POFUT3: variants seen among roughly 807,000 people sequenced by gnomAD.
POFUT3 encodes protein O-fucosyltransferase 3, also known as GDP-fucose protein O-fucosyltransferase 3.
At chr8:33,382,526 C>A in the POFUT3 span, among the ~76,000 whole-genome samples, 1 of 152,074 alleles carries the variant, frequency 6.6e-6, no homozygotes, top group African/African-American at 2.4e-5. Flanking sequence ...TTCTAAGAAG[C>A]AGCGGGAAAG....
chr8:33,389,556 G>A, the POFUT3 span: 3 of 1,614,086 alleles, frequency 1.9e-6, no homozygotes, highest in Non-Finnish European at 2.5e-6. Flanking sequence ...CTTTTTCTAA[G>A]CTTGTTTTTG....
chr8:33,424,772 CCT>C, the POFUT3 span, among the ~76,000 whole-genome samples: 1 of 152,118 alleles, frequency 6.6e-6, no homozygotes, highest in Admixed American at 6.6e-5. Flanking sequence ...AAACTAGAGG[CCT>C]CTACTCTGGT....
the POFUT3 span, among the ~76,000 whole-genome samples, chr8:33,403,026 ACT>A: frequency 6.6e-6 from 1 of 151,954 alleles, no homozygotes; most frequent in African/African-American, 2.4e-5. Flanking sequence ...GCACCCCTGC[ACT>A]CCAGCCCGGG....
At chr8:33,360,315 G>A in the POFUT3 span, among the ~76,000 whole-genome samples, 594 of 151,646 alleles carry the variant, frequency 3.9e-3, 22 homozygotes, top group East Asian at 0.078. Context: ...GCGTGGTGGC[G>A]GGTGCCTGTA....
the POFUT3 span, among the ~76,000 whole-genome samples, chr8:33,365,417 A>T: frequency 6.6e-6 from 1 of 152,248 alleles, no homozygotes; most frequent in Admixed American, 6.5e-5. Context: ...ATGGAATCTA[A>T]TTAAACTAAA....
chr8:33,390,241 G>A, the POFUT3 span, among the ~76,000 whole-genome samples: 1 of 151,964 alleles, frequency 6.6e-6, no homozygotes, highest in Non-Finnish European at 1.5e-5. Flanking sequence ...GCATGTTACA[G>A]TGTCACTGCA....
the POFUT3 span, among the ~76,000 whole-genome samples, chr8:33,444,608 A>G: frequency 6.6e-6 from 1 of 152,090 alleles, no homozygotes; most frequent in African/African-American, 2.4e-5. Context: ...ACCTGAGGTC[A>G]GGAGTTTGAG....
the POFUT3 span, among the ~76,000 whole-genome samples, chr8:33,411,073 C>T: frequency 1.3e-5 from 2 of 152,122 alleles, no homozygotes; most frequent in Non-Finnish European, 2.9e-5. Context: ...AATAAATCCT[C>T]CCCCAGTAAC....
chr8:33,428,056 G>C, the POFUT3 span, among the ~76,000 whole-genome samples: 1 of 152,064 alleles, frequency 6.6e-6, no homozygotes, highest in Non-Finnish European at 1.5e-5. Context: ...ACCAGGAGGC[G>C]GAGGTTGCAG....
the POFUT3 span, among the ~76,000 whole-genome samples, chr8:33,449,610 G>A: frequency 0.012 from 1,840 of 151,900 alleles, 43 homozygotes; most frequent in African/African-American, 0.043. Context: ...TTTAAAAGGT[G>A]GTTTTAACTC....
the POFUT3 span, among the ~76,000 whole-genome samples, chr8:33,469,457 A>C: frequency 6.6e-6 from 1 of 152,232 alleles, no homozygotes; most frequent in Non-Finnish European, 1.5e-5. Context: ...CATCCTCTTC[A>C]TACTAGTGCA....
the POFUT3 span, among the ~76,000 whole-genome samples, chr8:33,370,165 TTACTAAAAAAAAA>T: frequency 4.4e-5 from 4 of 90,168 alleles, no homozygotes; most frequent in African/African-American, 1.7e-4. Context: ...AACCCCATCT[TTACTAAAAAAAAA>T]AAAAAAAAAA....
chr8:33,321,242 A>T, the POFUT3 span, among the ~76,000 whole-genome samples: 1 of 152,132 alleles, frequency 6.6e-6, no homozygotes, highest in Non-Finnish European at 1.5e-5. Flanking sequence ...CTACATAAAA[A>T]GCCACTGAAA....
the POFUT3 span, among the ~76,000 whole-genome samples, chr8:33,468,812 C>T: frequency 6.6e-6 from 1 of 152,104 alleles, no homozygotes; most frequent in Admixed American, 6.6e-5. Flanking sequence ...TAAAATCCTT[C>T]AATGGCTGCC....
At chr8:33,397,363 C>T in the POFUT3 span, among the ~76,000 whole-genome samples, 1 of 152,078 alleles carries the variant, frequency 6.6e-6, no homozygotes, top group Non-Finnish European at 1.5e-5. Flanking sequence ...AGGCTCCGCT[C>T]TTGGGGGTGA....
At chr8:33,353,489 T>A in the POFUT3 span, among the ~76,000 whole-genome samples, 1 of 152,184 alleles carries the variant, frequency 6.6e-6, no homozygotes, top group Non-Finnish European at 1.5e-5. Flanking sequence ...GCCATCCCCC[T>A]CCTTGCTATT....
chr8:33,453,137 A>G, the POFUT3 span: 2 of 1,412,468 alleles, frequency 1.4e-6, no homozygotes, highest in Non-Finnish European at 2.0e-6. Flanking sequence ...CTCCACCATC[A>G]CTTTTCAGAG....
the POFUT3 span, among the ~76,000 whole-genome samples, chr8:33,330,758 T>C: frequency 1.3e-5 from 2 of 152,122 alleles, no homozygotes; most frequent in Non-Finnish European, 2.9e-5. Flanking sequence ...CCTCCTGTCC[T>C]GGCCCCTCTT....
At chr8:33,433,648 G>A in the POFUT3 span, among the ~76,000 whole-genome samples, 1 of 151,428 alleles carries the variant, frequency 6.6e-6, no homozygotes, top group South Asian at 2.1e-4. Context: ...GCCAGGCTTG[G>A]TGGCAGGTAC....
Sources: gnomAD v4.1 joint callset for allele counts (sites outside exome capture counted in the v4.1 genomes callset) on GRCh38, gnomAD v4.1.1 for gene constraint, MANE v1.5 for transcripts, NCBI Gene and HGNC (gene_info 2026-07-23, HGNC 2026-07-21) for gene names.